The following MYT1L variants were observed in gnomAD, a reference collection of about 807,000 sequenced individuals.
MYT1L encodes myelin transcription factor 1-like protein.
MYT1L carries 12 observed loss-of-function variants against 126.7 expected under a neutral mutation model. That is an observed-to-expected ratio of 0.09 (90% CI 0.06 to 0.15). MYT1L has a LOEUF of 0.15. Ranked by LOEUF, MYT1L falls within the 10% of genes least tolerant of loss-of-function variation. The pLI, the probability that MYT1L is intolerant of heterozygous loss-of-function variation, is 1.00. For synonymous variants in MYT1L, 541 were observed against 604.2 expected (o/e 0.90, Z 1.53); for missense variants, 979 against 1,585.2 (o/e 0.62, Z 6.49).
At chr2:1,843,382 A>G (rs976145829) in intron 19 of MYT1L, among the ~76,000 whole-genome samples, 3 of 152,308 alleles carry the variant, frequency 2.0e-5, no homozygotes, top group Non-Finnish European at 2.9e-5. Flanking sequence ...GAAAAGAGGA[A>G]CCAAGGGGGG....
intron 8 of MYT1L, among the ~76,000 whole-genome samples, chr2:1,954,377 T>C (rs2149337894): frequency 6.6e-6 from 1 of 152,294 alleles, no homozygotes; most frequent in Middle Eastern, 3.4e-3. Context: ...AGAGAGGATA[T>C]TGCCGAAAAC....
At chr2:2,062,090 C>T (rs1411494008) in intron 3 of MYT1L, among the ~76,000 whole-genome samples, 1 of 152,206 alleles carries the variant, frequency 6.6e-6, no homozygotes, top group African/African-American at 2.4e-5. Flanking sequence ...CACTAATGCG[C>T]TCCACGCCCA....
rs1207100997 is a variant in MYT1L, at chr2:1,790,642, G to GT, written c.*1224dup. On this transcript the variant is annotated 3_prime_UTR_variant, in exon 25 of 25. Coordinates refer to ENST00000647738, the MANE Select transcript of MYT1L (RefSeq NM_001303052.2). The stretch of plus-strand genomic sequence containing the variant: ...CCAAGTGTAGAACAGAAACGTCGTG[G>GT]TAAGAGTCCTCTGAATAGGACCAAA... 2.1e-4 allele frequency: 32 copies of GT among 152,214 alleles called. 1 individual carries two copies. The highest frequency in any genetic ancestry group is 1.7e-3 in the Admixed American group (26 of 15,344). 9.4% of individuals were successfully genotyped at this position (152,214 alleles called of 1,614,324 possible). A position where few individuals can be genotyped will look rare whatever the true frequency, so the allele number is the denominator to read the frequency against.
chr2:2,140,418 TTTTC>T lies in MYT1L; in HGVS notation c.-304+32450_-304+32453del, dbSNP rs1163805407. ...GATAATGGATCAATGTCTTTATTTT[TTTTC>T]TTTCTTTTTCTTTTTTTTTTTTTTT... is the stretch of plus-strand genomic sequence containing the variant. On this transcript the variant is annotated intron_variant, in intron 3 of 24. Coordinates refer to ENST00000647738, the MANE Select transcript of MYT1L (RefSeq NM_001303052.2). Among the ~76,000 whole-genome samples the T allele has an allele frequency of 2.7e-4, 41 of 150,076 alleles. No individual in the cohort carries two copies. The East Asian group carries it at 6.2e-3, about 23-fold the overall frequency.
chr2:1,805,076 G>A (rs112743177), intron 22 of MYT1L, among the ~76,000 whole-genome samples: 6,740 of 152,244 alleles, frequency 0.044, 200 homozygotes, highest in South Asian at 0.1. Flanking sequence ...CAGCCACGCC[G>A]GCTGCTCAGG....
At chr2:2,013,001 A>G (rs1008763176) in intron 4 of MYT1L, among the ~76,000 whole-genome samples, 1 of 152,172 alleles carries the variant, frequency 6.6e-6, no homozygotes, top group Non-Finnish European at 1.5e-5. Context: ...AAAACATAGT[A>G]TATGGAGTTT....
At position 2,051,560 on chromosome 2, in the gene MYT1L, A is replaced by T. The variant is rs976609986; in HGVS notation, c.-158+2418T>A. Reference sequence around the variant, plus strand: ...CATCCCATGCCATTGTTGACTTTCTACCTAAGAAATTACTACTAGAGAACA... The same window carrying T: ...CATCCCATGCCATTGTTGACTTTCTTCCTAAGAAATTACTACTAGAGAACA... On this transcript the variant is annotated intron_variant, in intron 4 of 24. Coordinates refer to ENST00000647738, the MANE Select transcript of MYT1L (RefSeq NM_001303052.2). Among the ~76,000 whole-genome samples, 14 of 152,310 alleles carry T rather than the reference A, an allele frequency of 9.2e-5. No homozygotes were observed. In the South Asian group the frequency reaches 2.9e-3, roughly 32 times the overall value.
Position 2,059,436 on chromosome 2 carries a change from GGT to G in MYT1L, c.-303-5315_-303-5314del, listed in dbSNP as rs1183986053. Among the ~76,000 whole-genome samples the G allele has an allele frequency of 6.6e-6, 1 of 152,132 alleles. No individual in the cohort carries two copies. Among genetic ancestry groups the G allele is most frequent in the Non-Finnish European group, 1.5e-5 (1 of 68,030 alleles). The stretch of plus-strand genomic sequence containing the variant: ...CACAGCACCGCAGGAAGCACCCAAT[GGT>G]CTCACTTTCCGTTTGTGTTGATGAG... On this transcript the variant is annotated intron_variant, in intron 3 of 24. Coordinates refer to ENST00000647738, the MANE Select transcript of MYT1L (RefSeq NM_001303052.2). The surrounding 1 kb of genome is among the most constrained non-coding windows in gnomAD (Gnocchi z 4.7).
chr2:2,060,531 T>C (rs534984512), intron 3 of MYT1L, among the ~76,000 whole-genome samples: 1 of 152,348 alleles, frequency 6.6e-6, no homozygotes, highest in African/African-American at 2.4e-5. Context: ...TGAAATTTAA[T>C]GATATATCCT....
intron 3 of MYT1L, among the ~76,000 whole-genome samples, chr2:2,131,891 C>T (rs905125434): frequency 6.8e-6 from 1 of 147,966 alleles, no homozygotes; most frequent in African/African-American, 2.5e-5. Flanking sequence ...AGGGGACATG[C>T]AAGAGAGTTC....
At chr2:2,262,692 C>CAA (rs1239154235) in intron 2 of MYT1L, among the ~76,000 whole-genome samples, 33 of 105,968 alleles carry the variant, frequency 3.1e-4, no homozygotes, top group South Asian at 1.9e-3. Flanking sequence ...GACTCCATCT[C>CAA]AAAAAAAAAA....
At chr2:2,303,238 G>A (rs1448210007) in intron 1 of MYT1L, among the ~76,000 whole-genome samples, 16 of 152,144 alleles carry the variant, frequency 1.1e-4, no homozygotes, top group African/African-American at 2.4e-4. Context: ...TTGAAAAAGC[G>A]GATCGCTCAA....
chr2:2,152,878 G>C (rs1439466619), intron 3 of MYT1L, among the ~76,000 whole-genome samples: 1 of 152,168 alleles, frequency 6.6e-6, no homozygotes, highest in African/African-American at 2.4e-5. Flanking sequence ...GGGCTGGTGA[G>C]GGGTAGGGGT....
intron 3 of MYT1L, among the ~76,000 whole-genome samples, chr2:2,158,815 C>A (rs1216383449): frequency 6.6e-6 from 1 of 152,110 alleles, no homozygotes; most frequent in East Asian, 1.9e-4. Flanking sequence ...GTGTCTTTCA[C>A]CGACAGGCAG....
intron 1 of MYT1L, among the ~76,000 whole-genome samples, chr2:2,291,625 T>A (rs2095601076): frequency 6.6e-6 from 1 of 152,162 alleles, no homozygotes; most frequent in African/African-American, 2.4e-5. Context: ...ACGCGGTGCG[T>A]GATGGGTTCT....
At chr2:2,183,519 G>C (rs2091766095) in intron 2 of MYT1L, among the ~76,000 whole-genome samples, 1 of 152,158 alleles carries the variant, frequency 6.6e-6, no homozygotes, top group Non-Finnish European at 1.5e-5. Flanking sequence ...GCTTGCAAGA[G>C]AGTAATATTA....
chr2:2,283,178 A>G (rs1318378796), intron 2 of MYT1L, among the ~76,000 whole-genome samples: 1 of 152,252 alleles, frequency 6.6e-6, no homozygotes, highest in East Asian at 1.9e-4. Flanking sequence ...TTAATTTAAA[A>G]TCTTTTTGAA....
At position 2,010,864 on chromosome 2, in the gene MYT1L, C is replaced by T. The variant is rs573051699; in HGVS notation, c.-157-13517G>A. On this transcript the variant is annotated intron_variant, in intron 4 of 24. Transcript: ENST00000647738. ...AGAACCCATACCAAGAAGTAACTCA[C>T]GCGTCTACTGTCAACAGACTCTTCA... 9.9e-5 allele frequency among the ~76,000 whole-genome samples: 15 copies of T among 152,268 alleles called. 1 individual carries two copies. The South Asian group carries it at 2.3e-3, about 23-fold the overall frequency.
intron 1 of MYT1L, among the ~76,000 whole-genome samples, chr2:2,309,624 C>A (rs2095923121): frequency 6.6e-6 from 1 of 151,910 alleles, no homozygotes; most frequent in Admixed American, 6.6e-5. Context: ...ACTCCACCTA[C>A]ACTTTGATAT....
Sources: allele counts gnomAD v4.1 joint callset (sites outside exome capture counted in the v4.1 genomes callset), GRCh38; gene constraint gnomAD v4.1.1; non-coding constraint Gnocchi (gnomAD v3.1); transcripts MANE v1.5; gene names NCBI Gene and HGNC (gene_info 2026-07-23, HGNC 2026-07-21).